Variants in DZIP3 observed in about 807,000 individuals in gnomAD.
The protein encoded by DZIP3 is E3 ubiquitin-protein ligase DZIP3.
Under a neutral mutation model 162.0 loss-of-function variants are expected in DZIP3, and 118 were observed. That is an observed-to-expected ratio of 0.73 (90% confidence interval 0.63 to 0.85). DZIP3 has a LOEUF of 0.85. Ranked by LOEUF, DZIP3 falls within the 40% of genes least tolerant of loss-of-function variation. The probability of loss-of-function intolerance (pLI) is 0.00; values close to 1 mark genes in which losing one functional copy is unlikely to be tolerated. For missense variants in DZIP3, 1,331 were observed against 1,407.0 expected, an observed-to-expected ratio of 0.95 and a Z score of 0.86; for synonymous variants, 438 against 458.6, an observed-to-expected ratio of 0.96 and a Z score of 0.57.
At chr3:108,610,134 G>T (rs1157444418) in intron 3 of DZIP3, among the ~76,000 whole-genome samples, 6 of 152,114 alleles carry the variant, frequency 3.9e-5, no homozygotes, top group Non-Finnish European at 5.9e-5. Context: ...TTAGTAAACG[G>T]TTAACATTTT....
At chr3:108,611,779 A>G (rs909639132) in intron 4 of DZIP3, among the ~76,000 whole-genome samples, 1 of 152,156 alleles carries the variant, frequency 6.6e-6, no homozygotes, top group Non-Finnish European at 1.5e-5. Flanking sequence ...AGCCTGGCCA[A>G]CATGGTGAAA....
intron 11 of DZIP3, 88 bp from the exon 12 acceptor site, chr3:108,637,408 A>G (rs1055170413): frequency 1.5e-5 from 18 of 1,167,140 alleles, no homozygotes; most frequent in Non-Finnish European, 2.3e-5. Context: ...CTCTCATTGT[A>G]TGTTTCAAAT....
chr3:108,674,257 G>T (rs1209482376), intron 24 of DZIP3, 76 bp downstream of exon 24: 21 of 1,307,176 alleles, frequency 1.6e-5, no homozygotes, highest in Non-Finnish European at 2.2e-5. Flanking sequence ...AATATAATCT[G>T]TGATGTGTTT....
At chr3:108,605,653 C>T (rs543002360) in intron 2 of DZIP3, among the ~76,000 whole-genome samples, 1 of 152,296 alleles carries the variant, frequency 6.6e-6, no homozygotes, top group East Asian at 1.9e-4. Context: ...TCTAATGCTG[C>T]TGCTGATCTG....
intron 1 of DZIP3, among the ~76,000 whole-genome samples, chr3:108,599,614 A>C (rs1326707692): frequency 6.6e-6 from 1 of 152,206 alleles, no homozygotes; most frequent in Non-Finnish European, 1.5e-5. Flanking sequence ...GAACAACTGC[A>C]CAGTGGACCG....
At chr3:108,673,894 A>G (rs1944010029) in intron 23 of DZIP3, among the ~76,000 whole-genome samples, 184 bp from the exon 24 acceptor site, 1 of 151,996 alleles carries the variant, frequency 6.6e-6, no homozygotes, top group Non-Finnish European at 1.5e-5. Flanking sequence ...AAATAAGGAA[A>G]TTAGAATTGC....
intron 3 of DZIP3, among the ~76,000 whole-genome samples, chr3:108,610,361 A>G (rs1451712686): frequency 6.6e-6 from 1 of 152,126 alleles, no homozygotes; most frequent in Non-Finnish European, 1.5e-5. Flanking sequence ...TGTGGCAATG[A>G]CCTAGGGGAG....
chr3:108,648,788 A>T, intron 16 of DZIP3, 130 bp from the exon 17 acceptor site: 1 of 413,674 alleles, frequency 2.4e-6, no homozygotes, highest in Non-Finnish European at 4.0e-6. Context: ...TTGTTTCCAT[A>T]GAATCTAGAA....
intron 11 of DZIP3, 33 bp downstream of exon 11, chr3:108,636,741 CT>C: frequency 9.1e-7 from 1 of 1,099,642 alleles, no homozygotes; most frequent in South Asian, 1.5e-5. Context: ...TTTTTTTTTT[CT>C]TGCTTTCCTT....
At chr3:108,652,033 T>C (rs982523237) in intron 18 of DZIP3, among the ~76,000 whole-genome samples, 13 of 149,526 alleles carry the variant, frequency 8.7e-5, no homozygotes, top group Admixed American at 2.0e-4. Context: ...GTTGAGCCAC[T>C]GGAGCAATAG....
intron 21 of DZIP3, among the ~76,000 whole-genome samples, chr3:108,664,025 A>C (rs1943564227): frequency 6.6e-6 from 1 of 152,208 alleles, no homozygotes; most frequent in Non-Finnish European, 1.5e-5. Context: ...TCTTCTTGAA[A>C]CTTAAGCACC....
chr3:108,687,500 T>A (rs1052427485), intron 28 of DZIP3, among the ~76,000 whole-genome samples: 2 of 152,182 alleles, frequency 1.3e-5, no homozygotes, highest in African/African-American at 2.4e-5. Flanking sequence ...TAACCCTTGC[T>A]TTCCTGTTCT....
intron 1 of DZIP3, among the ~76,000 whole-genome samples, chr3:108,593,363 G>C (rs1020404714): frequency 6.6e-6 from 1 of 152,176 alleles, no homozygotes; most frequent in African/African-American, 2.4e-5. Context: ...GTAGACAGTA[G>C]TAACAATCCT....
At chr3:108,591,852 C>T (rs992378866) in intron 1 of DZIP3, among the ~76,000 whole-genome samples, 3 of 151,842 alleles carry the variant, frequency 2.0e-5, no homozygotes, top group South Asian at 2.1e-4. Context: ...AAAAATTAGC[C>T]GGGCATGGGT....
In DZIP3 at chr3:108,672,626, C is replaced by T. The variant is rs371315606; in HGVS notation, c.2559C>T (p.Asn853=). Residue 853 remains asparagine, a synonymous_variant, in exon 23 of 33, where the codon AAC becomes AAT. Transcript: ENST00000361582. ...STMKTYVSKL[N]AETSRALTAE... is the part of the protein sequence containing the mutation. ...TGAAAACATACGTAAGCAAACTGAA[C>T]GCAGAAACTAGCAGAGCTTTAACAG... 104 of 1,611,590 alleles carry T rather than the reference C, an allele frequency of 6.5e-5. No homozygotes were observed. Among genetic ancestry groups the T allele is most frequent in the Middle Eastern group, 1.7e-4 (1 of 6,046 alleles).
intron 4 of DZIP3, among the ~76,000 whole-genome samples, chr3:108,612,366 A>G (rs933671142): frequency 6.6e-6 from 1 of 152,226 alleles, no homozygotes. Flanking sequence ...ACCTTAACCG[A>G]GATAATTTAC....
chr3:108,605,467 C>T (rs933807894), intron 2 of DZIP3, 29 bp downstream of exon 2: 2 of 1,609,866 alleles, frequency 1.2e-6, no homozygotes, highest in African/African-American at 1.3e-5. Flanking sequence ...ACCTTTTTGG[C>T]ACCATGGACT....
chr3:108,617,271 A>T (rs1187454694), intron 5 of DZIP3, among the ~76,000 whole-genome samples: 1 of 152,230 alleles, frequency 6.6e-6, no homozygotes, highest in Non-Finnish European at 1.5e-5. Context: ...TATTTTCACC[A>T]CAAAAATGAT....
At chr3:108,647,590 A>G (rs953397107) in intron 15 of DZIP3, among the ~76,000 whole-genome samples, 8 of 152,210 alleles carry the variant, frequency 5.3e-5, no homozygotes, top group African/African-American at 2.4e-5. Flanking sequence ...TTTCAGATAT[A>G]TGTGCTAAAA....
Sources: gnomAD v4.1 joint callset for allele counts (sites outside exome capture counted in the v4.1 genomes callset) on GRCh38, gnomAD v4.1.1 for gene constraint, MANE v1.5 for transcripts, NCBI Gene and HGNC (gene_info 2026-07-23, HGNC 2026-07-21) for gene names.